GNAQ: variants seen among roughly 807,000 people sequenced by gnomAD.
GNAQ encodes the protein guanine nucleotide-binding protein G(q) subunit alpha.
A neutral mutation model predicts 43.9 loss-of-function variants in GNAQ; 8 were observed. That is an observed-to-expected ratio of 0.18 (90% CI 0.11 to 0.33). The LOEUF (loss-of-function observed/expected upper bound fraction) is 0.33, where lower values mean the gene tolerates loss of function less well. Ranked by LOEUF, GNAQ falls within the 10% of genes least tolerant of loss-of-function variation. The pLI is 1.00. For synonymous variants in GNAQ, 155 were observed against 170.7 expected (o/e 0.91, Z 0.71); for missense variants, 158 against 450.8 (o/e 0.35, Z 5.88).
intron 2 of GNAQ, among the ~76,000 whole-genome samples, chr9:77,910,337 T>C (rs1016450782): frequency 7.2e-5 from 11 of 152,176 alleles, no homozygotes; most frequent in Non-Finnish European, 1.0e-4. Context: ...TAACTGAAAA[T>C]AGATGCATTG....
chr9:77,733,120 A>G (rs1277222709), intron 5 of GNAQ, among the ~76,000 whole-genome samples: 2 of 152,106 alleles, frequency 1.3e-5, no homozygotes, highest in East Asian at 1.9e-4. Flanking sequence ...ATTCACTCCA[A>G]TCCTTGGCCC....
At chr9:77,728,281 C>T (rs1169770646) in intron 6 of GNAQ, among the ~76,000 whole-genome samples, 1 of 152,222 alleles carries the variant, frequency 6.6e-6, no homozygotes, top group Non-Finnish European at 1.5e-5. Context: ...GCGCTCGCCA[C>T]TGTGCCCAGC....
chr9:77,718,736 T>TTTC lies in GNAQ; in HGVS notation c.*2586_*2587insGAA. Reference sequence around the variant, plus strand: ...AAATGTTGTTGTTTAATTTTTTTTTTTTTTTTTTTTTTTTTTGCTGCACCA... The same window carrying TTTC: ...AAATGTTGTTGTTTAATTTTTTTTTTTTCTTTTTTTTTTTTTTTTGCTGCACCA... On this transcript the variant is annotated 3_prime_UTR_variant, in exon 7 of 7. Coordinates refer to ENST00000286548, the MANE Select transcript of GNAQ (RefSeq NM_002072.5). 4.5e-6 allele frequency: 1 copy of TTTC among 220,554 alleles called. No individual in the cohort carries two copies. Among genetic ancestry groups the TTTC allele is most frequent in the Non-Finnish European group, 8.9e-6 (1 of 112,782 alleles). The allele number at this position is 220,554 out of a possible 1,614,324, so 13.7% of individuals were successfully genotyped here.
chr9:77,787,329 A>T lies in GNAQ; in HGVS notation c.735+7134T>A, dbSNP rs148885902. Reference sequence around the variant, plus strand: ...CTGGTAGGAGAGGGCACTTGCAGGCATCAATGGTCTTGGCAAAGTTCTGTT... The same window carrying T: ...CTGGTAGGAGAGGGCACTTGCAGGCTTCAATGGTCTTGGCAAAGTTCTGTT... On this transcript the variant is annotated intron_variant, in intron 5 of 6. Coordinates refer to ENST00000286548, the MANE Select transcript of GNAQ (RefSeq NM_002072.5). Among the ~76,000 whole-genome samples the T allele has an allele frequency of 6.6e-3, 999 of 152,354 alleles. 9 individuals carry two copies. The highest frequency in any genetic ancestry group is 0.023 in the African/African-American group (943 of 41,590).
chr9:77,759,896 T>A (rs2118324687), intron 5 of GNAQ, among the ~76,000 whole-genome samples: 1 of 151,220 alleles, frequency 6.6e-6, no homozygotes, highest in South Asian at 2.1e-4. Context: ...CTCTCTTTTT[T>A]TCTTTCTTTC....
chr9:77,840,868 T>C (rs185097346), intron 2 of GNAQ, among the ~76,000 whole-genome samples: 1 of 152,220 alleles, frequency 6.6e-6, no homozygotes, highest in African/African-American at 2.4e-5. Context: ...GGGTCACAAT[T>C]CATACTCTTC....
At chr9:78,031,065 C>G (rs751000437) in intron 1 of GNAQ, 35 bp downstream of exon 1, 1 of 1,390,448 alleles carries the variant, frequency 7.2e-7, no homozygotes, top group South Asian at 1.6e-5. Context: ...GGGCTGGGGG[C>G]GCAGAGGCCC....
At chr9:77,822,683 T>C (rs866424036) in intron 2 of GNAQ, among the ~76,000 whole-genome samples, 3 of 148,188 alleles carry the variant, frequency 2.0e-5, no homozygotes, top group Admixed American at 6.7e-5. Flanking sequence ...ACATAGGGAA[T>C]ATCATCTTTC....
intron 2 of GNAQ, among the ~76,000 whole-genome samples, chr9:77,904,426 G>A (rs922587066): frequency 5.2e-5 from 7 of 134,604 alleles, no homozygotes; most frequent in Non-Finnish European, 3.1e-5. Flanking sequence ...TCCACCTCCC[G>A]GGTTCACCCC....
intron 1 of GNAQ, among the ~76,000 whole-genome samples, chr9:77,988,171 T>C (rs1024832758): frequency 1.3e-5 from 2 of 152,220 alleles, no homozygotes; most frequent in African/African-American, 4.8e-5. Flanking sequence ...TGTCAGAGAA[T>C]GGAAGGAAAC....
intron 1 of GNAQ, among the ~76,000 whole-genome samples, chr9:77,982,334 T>C (rs1212228104): frequency 6.6e-6 from 1 of 152,198 alleles, no homozygotes. Context: ...ACCACTGATG[T>C]TGGCGAAGTA....
intron 2 of GNAQ, among the ~76,000 whole-genome samples, chr9:77,838,532 G>A (rs1199941788): frequency 1.3e-5 from 2 of 151,944 alleles, no homozygotes; most frequent in South Asian, 4.2e-4. Context: ...TATATAATTC[G>A]TTTTCTGGGT....
At chr9:77,919,421 G>A (rs1828962932) in intron 2 of GNAQ, among the ~76,000 whole-genome samples, 1 of 152,004 alleles carries the variant, frequency 6.6e-6, no homozygotes, top group Admixed American at 6.6e-5. Flanking sequence ...CAAACACTTC[G>A]CTATGGATAT....
At chr9:77,992,854 A>C (rs867458256) in intron 1 of GNAQ, among the ~76,000 whole-genome samples, 5 of 152,176 alleles carry the variant, frequency 3.3e-5, no homozygotes, top group Non-Finnish European at 4.4e-5. Context: ...CTGAGGAAGA[A>C]GAATTGCTCG....
intron 5 of GNAQ, among the ~76,000 whole-genome samples, chr9:77,751,785 C>T (rs1452885686): frequency 6.6e-6 from 1 of 151,378 alleles, no homozygotes; most frequent in African/African-American, 2.4e-5. Flanking sequence ...ACAGACAGAC[C>T]TCCAAAAAAC....
intron 1 of GNAQ, among the ~76,000 whole-genome samples, chr9:77,983,801 ATTCCACTC>A (rs1823398296): frequency 6.6e-6 from 1 of 151,982 alleles, no homozygotes; most frequent in Admixed American, 6.6e-5. Flanking sequence ...CACTGACTCT[ATTCCACTC>A]TTTTAGTGGG....
chr9:77,844,095 C>T (rs1404150820), intron 2 of GNAQ, among the ~76,000 whole-genome samples: 1 of 152,170 alleles, frequency 6.6e-6, no homozygotes, highest in Non-Finnish European at 1.5e-5. Context: ...TTACAAAATT[C>T]CAGGTTTGGA....
intron 1 of GNAQ, among the ~76,000 whole-genome samples, chr9:77,931,453 T>C (rs1829148846): frequency 6.6e-6 from 1 of 152,040 alleles, no homozygotes; most frequent in South Asian, 2.1e-4. Flanking sequence ...TAGCCAGGCA[T>C]GGTGGCAAGC....
intron 1 of GNAQ, among the ~76,000 whole-genome samples, chr9:78,017,041 G>A (rs1009035573): frequency 5.9e-5 from 9 of 152,056 alleles, no homozygotes; most frequent in South Asian, 2.1e-4. Context: ...ATCATACAGC[G>A]TGCAAAAATA....
Sources: gnomAD v4.1 joint callset for allele counts (sites outside exome capture counted in the v4.1 genomes callset) on GRCh38, gnomAD v4.1.1 for gene constraint, MANE v1.5 for transcripts, NCBI Gene and HGNC (gene_info 2026-07-23, HGNC 2026-07-21) for gene names.